Variants in NCKAP5 observed in about 807,000 individuals in gnomAD.
The protein encoded by NCKAP5 is NCK associated protein 5, also known as nck-associated protein 5.
NCKAP5 carries 92 observed loss-of-function variants against 167.0 expected under a neutral mutation model. The ratio of observed to expected loss-of-function variants is 0.55; its 90% CI spans 0.47 to 0.66. The LOEUF (loss-of-function observed/expected upper bound fraction) is 0.66, where lower values mean the gene tolerates loss of function less well. NCKAP5 is among the 30% of genes least tolerant of loss of function. NCKAP5 has a pLI of 0.00. For missense variants in NCKAP5, 2,378 were observed against 2,315.0 expected (o/e 1.03, Z -0.56); for synonymous variants, 891 against 877.4 (o/e 1.02, Z -0.27).
chr2:132,881,114 C>T (rs183487515), intron 8 of NCKAP5, among the ~76,000 whole-genome samples: 2 of 152,324 alleles, frequency 1.3e-5, no homozygotes, highest in African/African-American at 4.8e-5. Flanking sequence ...TGATCATGTA[C>T]TGCATTCGAC....
intron 18 of NCKAP5, among the ~76,000 whole-genome samples, chr2:132,727,898 A>T (rs566832254): frequency 6.6e-6 from 1 of 152,356 alleles, no homozygotes; most frequent in East Asian, 1.9e-4. Context: ...TGGTTTGGCC[A>T]CACTGAGTGA....
chr2:132,890,032 A>G (rs1433583716), intron 8 of NCKAP5, among the ~76,000 whole-genome samples: 1 of 152,174 alleles, frequency 6.6e-6, no homozygotes, highest in Non-Finnish European at 1.5e-5. Flanking sequence ...CCCACGGCAA[A>G]AGCTGGTCTT....
chr2:133,044,838 G>A (rs1475583089), intron 6 of NCKAP5, among the ~76,000 whole-genome samples: 1 of 152,076 alleles, frequency 6.6e-6, no homozygotes, highest in African/African-American at 2.4e-5. Flanking sequence ...ACTTTGGGAG[G>A]CCGAGGTAGG....
chr2:132,784,376 T>C lies in NCKAP5; in HGVS notation c.2435A>G (p.Gln812Arg). The change falls in exon 14 of 20, where the codon CAG (glutamine) becomes CGG (arginine). Residue 812 changes from glutamine (Q) to arginine (R), a missense_variant. By Grantham distance (43) the Gln-to-Arg change is conservative. This residue lies in a region of NCKAP5 where 1,049 missense variants were observed against 1,023.4 expected (regional missense o/e 1.02). Coordinates refer to ENST00000409261, the MANE Select transcript of NCKAP5 (RefSeq NM_207363.3). ...TTCGGGCTCCATTAGTTTTGATTTC[T>C]GAGGTGAAGACTTGCCCCTGGGAGG... ...KIPPRGKSSP[Q>R]KSKLMEPEAT... is the part of the protein sequence containing the mutation. 1 of 1,614,036 alleles carries C rather than the reference T, an allele frequency of 6.2e-7. No individual in the cohort carries two copies. Among genetic ancestry groups the C allele is most frequent in the Non-Finnish European group, 8.5e-7 (1 of 1,179,888 alleles).
chr2:132,695,383 C>T (rs1246621099), intron 19 of NCKAP5, among the ~76,000 whole-genome samples: 1 of 152,072 alleles, frequency 6.6e-6, no homozygotes. Flanking sequence ...GCACCTGGTT[C>T]CACGATGGGA....
At chr2:133,360,397 T>C (rs200731872) in intron 3 of NCKAP5, among the ~76,000 whole-genome samples, 7 of 152,188 alleles carry the variant, frequency 4.6e-5, no homozygotes, top group Non-Finnish European at 8.8e-5. Context: ...GGAAAGAGTG[T>C]GTGGTTTTCA....
At chr2:132,866,777 G>T (rs1481427280) in intron 10 of NCKAP5, among the ~76,000 whole-genome samples, 1 of 152,038 alleles carries the variant, frequency 6.6e-6, no homozygotes. Context: ...TAGATAAATC[G>T]CTCAAGATTT....
At chr2:132,724,870 G>GT (rs535981284) in intron 19 of NCKAP5, among the ~76,000 whole-genome samples, 6 of 151,816 alleles carry the variant, frequency 4.0e-5, no homozygotes, top group African/African-American at 1.5e-4. Context: ...ACTAGATTAT[G>GT]TTTTTTCCCT....
At chr2:132,768,999 C>CA (rs1227845070) in intron 16 of NCKAP5, among the ~76,000 whole-genome samples, 1 of 142,032 alleles carries the variant, frequency 7.0e-6, no homozygotes, top group Non-Finnish European at 1.5e-5. Context: ...GGCTGGAGTG[C>CA]AGTGGTGTGA....
chr2:132,935,851 G>C (rs1174158141), intron 8 of NCKAP5, among the ~76,000 whole-genome samples: 1 of 152,180 alleles, frequency 6.6e-6, no homozygotes, highest in Middle Eastern at 3.2e-3. Flanking sequence ...CGCACTTCAT[G>C]AGAAGCAAAG....
upstream of NCKAP5, among the ~76,000 whole-genome samples, chr2:133,571,732 A>G (rs1431356245): frequency 6.6e-6 from 1 of 152,208 alleles, no homozygotes; most frequent in Non-Finnish European, 1.5e-5. Context: ...TGGTGATGAC[A>G]TGTATTACAA....
At chr2:132,870,142 T>C (rs1246651236) in intron 9 of NCKAP5, among the ~76,000 whole-genome samples, 1 of 152,200 alleles carries the variant, frequency 6.6e-6, no homozygotes, top group East Asian at 1.9e-4. Flanking sequence ...CAGTAACATG[T>C]TCCTGGTGTT....
At chr2:133,236,715 A>G (rs533042288) in intron 4 of NCKAP5, among the ~76,000 whole-genome samples, 1 of 152,334 alleles carries the variant, frequency 6.6e-6, no homozygotes, top group African/African-American at 2.4e-5. Context: ...TATGCTATCA[A>G]CTCTGCTAAT....
At chr2:132,982,081 G>T (rs115606341) in intron 7 of NCKAP5, among the ~76,000 whole-genome samples, 98 of 152,292 alleles carry the variant, frequency 6.4e-4, no homozygotes, top group Middle Eastern at 3.4e-3. Context: ...AGTACAGTAA[G>T]GTGAGGCAGG....
chr2:132,939,322 T>A (rs2149092641), intron 8 of NCKAP5, among the ~76,000 whole-genome samples: 1 of 152,286 alleles, frequency 6.6e-6, no homozygotes, highest in African/African-American at 2.4e-5. Flanking sequence ...ACAAGCCAGC[T>A]TACTGAAAAT....
At chr2:132,678,929 C>T (rs906446397) in intron 19 of NCKAP5, among the ~76,000 whole-genome samples, 1 of 151,936 alleles carries the variant, frequency 6.6e-6, no homozygotes, top group African/African-American at 2.4e-5. Context: ...TTGAATCTTC[C>T]CAGTCTATAA....
intron 8 of NCKAP5, among the ~76,000 whole-genome samples, chr2:132,896,464 G>A (rs1371942896): frequency 1.3e-5 from 2 of 152,270 alleles, no homozygotes; most frequent in East Asian, 3.9e-4. Context: ...GTAGGAGTTG[G>A]TAGATATTTC....
In NCKAP5 at chr2:132,784,282, T is replaced by A. The variant is rs1259083166; in HGVS notation, c.2529A>T (p.Lys843Asn). 2.5e-6 allele frequency: 4 copies of A among 1,612,816 alleles called. No homozygotes were observed. In the African/African-American group the frequency reaches 5.3e-5, roughly 22 times the overall value. The change falls in exon 14 of 20, where the codon AAA becomes AAT. Residue 843 changes from lysine (K) to asparagine (N), a missense_variant. Around this residue, in one of 3 missense-constraint regions of NCKAP5, gnomAD observed 1,049 missense variants for 1,023.4 expected, o/e 1.02. Transcript: ENST00000409261. ...TCTCAGTCTTCATGAATCGTGAGAGTTTCCCAGGAGCTAAGGCTGGTGATT... is the reference window on the plus strand; with the variant it reads ...TCTCAGTCTTCATGAATCGTGAGAGATTCCCAGGAGCTAAGGCTGGTGATT... ...LEKSPALAPGKLSRFMKTESS... is the reference protein window; with the variant it reads ...LEKSPALAPGNLSRFMKTESS...
intron 7 of NCKAP5, among the ~76,000 whole-genome samples, chr2:132,987,576 C>G (rs1447108620): frequency 6.6e-6 from 1 of 152,078 alleles, no homozygotes; most frequent in Non-Finnish European, 1.5e-5. Context: ...GCTCTAGATG[C>G]AGACTAAGGG....
Sources: allele counts gnomAD v4.1 joint callset (sites outside exome capture counted in the v4.1 genomes callset), GRCh38; gene constraint gnomAD v4.1.1; regional missense constraint gnomAD v4.1.1; transcripts MANE v1.5; gene names NCBI Gene and HGNC (gene_info 2026-07-23, HGNC 2026-07-21).